Variants in ATP8A2 observed in about 807,000 individuals in gnomAD.
ATP8A2 encodes phospholipid-transporting ATPase IB.
A neutral mutation model predicts 165.6 loss-of-function variants in ATP8A2; 100 were observed. The ratio of observed to expected loss-of-function variants is 0.60; its 90% CI spans 0.51 to 0.71. The LOEUF is 0.71. Ranked by LOEUF, ATP8A2 falls within the 30% of genes least tolerant of loss-of-function variation. ATP8A2 has a pLI of 0.00. For missense variants in ATP8A2, 1,227 were observed against 1,479.5 expected (o/e 0.83, Z 2.80); for synonymous variants, 543 against 548.8 (o/e 0.99, Z 0.15).
chr13:25,726,573 T>G (rs2043498232), intron 25 of ATP8A2, among the ~76,000 whole-genome samples: 1 of 152,208 alleles, frequency 6.6e-6, no homozygotes, highest in African/African-American at 2.4e-5. Context: ...CTGCTTCTGT[T>G]GTCACATTGC....
At chr13:26,010,134 A>T (rs1329450453) in intron 35 of ATP8A2, among the ~76,000 whole-genome samples, 2 of 152,208 alleles carry the variant, frequency 1.3e-5, no homozygotes, top group Non-Finnish European at 2.9e-5. Flanking sequence ...TCTAGGCGGC[A>T]TCTAGGCGGC....
rs558154924 is a variant in ATP8A2 at position 25,412,689 on chromosome 13, C to T, written c.76+40401C>T. Among the ~76,000 whole-genome samples the T allele has an allele frequency of 3.3e-5, 5 of 152,282 alleles. No individual in the cohort carries two copies. In the South Asian group the frequency reaches 8.3e-4, roughly 25 times the overall value. ...ATAATGGTAAAAAGGAGGTAGGGGC[C>T]TAGGAAATGGGGGAATCATAGATTC... On this transcript the variant is annotated intron_variant, in intron 1 of 36. Transcript: ENST00000381655.
chr13:25,838,490 C>T (rs1278467378), intron 29 of ATP8A2, among the ~76,000 whole-genome samples: 1 of 151,960 alleles, frequency 6.6e-6, no homozygotes, highest in Non-Finnish European at 1.5e-5. Context: ...AATTTGAATT[C>T]AAAGGCCATT....
At chr13:25,844,038 G>A (rs17415137) in intron 30 of ATP8A2, among the ~76,000 whole-genome samples, 2,384 of 152,120 alleles carry the variant, frequency 0.016, 26 homozygotes, top group Middle Eastern at 0.044. Context: ...AGGACCATGC[G>A]GTTGCACAGG....
At chr13:25,671,078 AT>A (rs1843687527) in intron 24 of ATP8A2, among the ~76,000 whole-genome samples, 1 of 152,160 alleles carries the variant, frequency 6.6e-6, no homozygotes. Flanking sequence ...GATTGTGAAA[AT>A]TTCATGGACA....
In ATP8A2 at chr13:26,023,539, A is replaced by G. The variant is rs895945509; in HGVS notation, c.*3554A>G. The G allele has an allele frequency of 6.6e-6, 1 of 152,204 alleles. No individual in the cohort carries two copies. Among genetic ancestry groups the G allele is most frequent in the Non-Finnish European group, 1.5e-5 (1 of 68,044 alleles). The allele number at this position is 152,204 out of a possible 1,614,324, so 9.4% of individuals were successfully genotyped here. On this transcript the variant is annotated 3_prime_UTR_variant, in exon 37 of 37. Transcript: ENST00000381655. ...TGTCTTATAATGCATATGTATGTAA[A>G]TATTACAGGATTTAAGGTTGAATTT...
At chr13:25,610,850 A>C (rs889139073) in intron 24 of ATP8A2, among the ~76,000 whole-genome samples, 4 of 145,762 alleles carry the variant, frequency 2.7e-5, no homozygotes, top group African/African-American at 1.0e-4. Context: ...TTTTCCTTGT[A>C]GAGGTCTCTC....
At position 25,428,990 on chromosome 13, in the gene ATP8A2, A is replaced by G. The variant is rs578019908; in HGVS notation, c.77-39987A>G. Among the ~76,000 whole-genome samples the G allele has an allele frequency of 3.9e-5, 6 of 152,270 alleles. No homozygotes were observed. In the South Asian group the frequency reaches 1.2e-3, roughly 32 times the overall value. ...GCAGCTGGTGACACTGCTCCAGGCC[A>G]TGGAAAGGGAGGCTGAAGATTCCTA... On this transcript the variant is annotated intron_variant, in intron 1 of 36. Coordinates refer to ENST00000381655, the MANE Select transcript of ATP8A2 (RefSeq NM_016529.6).
intron 2 of ATP8A2, among the ~76,000 whole-genome samples, chr13:25,491,458 C>T (rs1279558152): frequency 6.6e-6 from 1 of 152,124 alleles, no homozygotes; most frequent in Non-Finnish European, 1.5e-5. Context: ...GAACTCCTGG[C>T]CTCAAGTGAT....
chr13:25,421,252 C>A (rs1256780711), intron 1 of ATP8A2, among the ~76,000 whole-genome samples: 1 of 152,210 alleles, frequency 6.6e-6, no homozygotes, highest in Non-Finnish European at 1.5e-5. Context: ...CCTTCCAGAG[C>A]TCCATTCTTT....
chr13:25,536,914 ACT>A (rs2038303638), intron 6 of ATP8A2, among the ~76,000 whole-genome samples: 1 of 152,174 alleles, frequency 6.6e-6, no homozygotes, highest in Non-Finnish European at 1.5e-5. Context: ...GGCCGGTGGC[ACT>A]GTTTTCCTGT....
At chr13:25,705,402 G>T (rs578046042) in intron 25 of ATP8A2, 3 of 168,188 alleles carry the variant, frequency 1.8e-5, no homozygotes, top group African/African-American at 7.2e-5. Context: ...TGTGATTTAC[G>T]GCTTCACATC....
chr13:25,775,055 T>C, intron 27 of ATP8A2, 96 bp downstream of exon 27: 1 of 700,680 alleles, frequency 1.4e-6, no homozygotes, highest in Non-Finnish European at 2.4e-6. Flanking sequence ...TTTGTTCATG[T>C]AAAATTAAAA....
chr13:25,407,198 T>TTCC (rs2033828423), intron 1 of ATP8A2, among the ~76,000 whole-genome samples: 1 of 152,188 alleles, frequency 6.6e-6, no homozygotes, highest in African/African-American at 2.4e-5. Flanking sequence ...TGCTGATAAG[T>TTCC]ACCAAGGCCT....
chr13:25,951,913 C>T (rs1955376224), intron 33 of ATP8A2, among the ~76,000 whole-genome samples: 1 of 152,162 alleles, frequency 6.6e-6, no homozygotes. Context: ...TCTCACCCGC[C>T]ATCAGTTGCA....
chr13:25,660,454 A>G (rs1222828244), intron 24 of ATP8A2, among the ~76,000 whole-genome samples: 1 of 152,234 alleles, frequency 6.6e-6, no homozygotes, highest in East Asian at 1.9e-4. Context: ...AGAAATAGCT[A>G]GCAAGCAAGT....
chr13:25,822,419 T>C (rs1204974088), intron 27 of ATP8A2, among the ~76,000 whole-genome samples: 2 of 152,234 alleles, frequency 1.3e-5, no homozygotes, highest in Non-Finnish European at 2.9e-5. Flanking sequence ...TCTCACCAGC[T>C]GGGTATTACA....
chr13:25,879,164 C>T (rs1952902120), intron 33 of ATP8A2, among the ~76,000 whole-genome samples: 1 of 152,156 alleles, frequency 6.6e-6, no homozygotes, highest in Admixed American at 6.5e-5. Context: ...GTGGTTTATT[C>T]CCACAAAAGC....
At chr13:25,800,888 G>A (rs1950609113) in intron 27 of ATP8A2, among the ~76,000 whole-genome samples, 1 of 152,144 alleles carries the variant, frequency 6.6e-6, no homozygotes, top group Admixed American at 6.5e-5. Flanking sequence ...CCTTAAAAGT[G>A]TTCTGTTGCC....
Sources: allele counts gnomAD v4.1 joint callset (sites outside exome capture counted in the v4.1 genomes callset), GRCh38; gene constraint gnomAD v4.1.1; transcripts MANE v1.5; gene names NCBI Gene and HGNC (gene_info 2026-07-23, HGNC 2026-07-21).